TPSD1: variants seen among roughly 807,000 people sequenced by gnomAD.
The protein encoded by TPSD1 is tryptase delta 1.
Under a neutral mutation model 25.4 loss-of-function variants are expected in TPSD1, and 30 were observed. The observed-to-expected ratio is 1.18, with a 90% CI of 0.88 to 1.60. TPSD1 has a LOEUF of 1.60. Among genes scored for constraint, TPSD1 ranks in the 40% most tolerant of loss-of-function variants. The probability of loss-of-function intolerance (pLI) is 0.00; values close to 1 mark genes in which losing one functional copy is unlikely to be tolerated. For synonymous variants in TPSD1, 176 were observed against 149.4 expected (o/e 1.18, Z -1.30); for missense variants, 420 against 324.2 (o/e 1.30, Z -2.27).
At chr16:1,258,306 C>A in intron 4 of TPSD1, 26 bp from the exon 5 acceptor site, 1 of 1,602,964 alleles carries the variant, frequency 6.2e-7, no homozygotes, top group Non-Finnish European at 8.5e-7. Context: ...GCCTGGCCAG[C>A]GAGCACTGAC....
Position 1,256,102 on chromosome 16 carries a change from A to G in TPSD1, c.-179A>G. The G allele has an allele frequency of 2.8e-6, 3 of 1,068,270 alleles. No homozygotes were observed. The highest frequency in any genetic ancestry group is 4.1e-6 in the Non-Finnish European group (3 of 732,254). 66.2% of individuals were successfully genotyped at this position (1,068,270 alleles called of 1,614,324 possible). A position where few individuals can be genotyped will look rare whatever the true frequency, so the allele number is the denominator to read the frequency against. ...CAGGGAGTGGCCAGGGTAAGTCCCT[A>G]CTCTCAGAGACCCTGACATCAGCGT... On this transcript the variant is annotated 5_prime_UTR_variant, in exon 1 of 5. Coordinates refer to ENST00000211076, the MANE Select transcript of TPSD1 (RefSeq NM_012217.3).
Position 1,257,024 on chromosome 16 carries a change from C to T in TPSD1, c.482C>T (p.Pro161Leu), listed in dbSNP as rs376298572. 51 of 1,612,690 alleles carry T rather than the reference C, an allele frequency of 3.2e-5. No homozygotes were observed. In the East Asian group the frequency reaches 6.9e-4, roughly 22 times the overall value. ...PASETFPPGM[P>L]CWVTGWGDVD... Reference sequence around the variant, plus strand: ...TCGGAGACCTTCCCCCCGGGGATGCCGTGCTGGGTCACTGGCTGGGGCGAC... The same window carrying T: ...TCGGAGACCTTCCCCCCGGGGATGCTGTGCTGGGTCACTGGCTGGGGCGAC... Residue 161 changes from proline to leucine, a missense_variant, in exon 3 of 5, where the codon CCG (proline) becomes CTG (leucine). Coordinates refer to ENST00000211076, the MANE Select transcript of TPSD1 (RefSeq NM_012217.3).
rs1047516327 is a variant in TPSD1, at chr16:1,258,122, GCAA to G, written c.586_588del (p.Asn196del). The G allele has an allele frequency of 1.9e-6, 3 of 1,608,586 alleles. No homozygotes were observed. The highest frequency in any genetic ancestry group is 2.5e-6 in the Non-Finnish European group (3 of 1,177,974). ...GTCCCCGTAGTGGAAAACCACCTTT[GCAA>G]CGCGGAATATCACACCGGCCTCCAT... On this transcript the variant is annotated inframe_deletion, in exon 4 of 5. Coordinates refer to ENST00000211076, the MANE Select transcript of TPSD1 (RefSeq NM_012217.3).
intron 2 of TPSD1, 42 bp downstream of exon 2, chr16:1,256,729 G>A (rs1391763631): frequency 8.1e-6 from 13 of 1,611,668 alleles, no homozygotes; most frequent in East Asian, 2.2e-5. Flanking sequence ...AGGGCTGGAT[G>A]TGAGCCCTGG....
rs61729110 is a variant in TPSD1 at position 1,256,953 on chromosome 16, C to G, written c.411C>G (p.Pro137=). 3,384 of 1,612,664 alleles carry G rather than the reference C, an allele frequency of 2.1e-3. 66 individuals carry two copies. The African/African-American group carries it at 0.039, about 19-fold the overall frequency. ...TCGCCCTGCTGGAGCTGGAGGAGCC[C>G]GTGAACATCTCCAGCCACATCCACA... is the stretch of plus-strand genomic sequence containing the variant. ...ADIALLELEE[P]VNISSHIHTV... Residue 137 remains proline, a synonymous_variant, in exon 3 of 5, where the codon CCC becomes CCG. Transcript: ENST00000211076.
chr16:1,257,909 C>T (rs2031009235), intron 3 of TPSD1, 150 bp from the exon 4 acceptor site: 1 of 824,488 alleles, frequency 1.2e-6, no homozygotes, highest in Non-Finnish European at 1.9e-6. Context: ...GGGGCCTGGA[C>T]TGCATTCACC....
chr16:1,256,933 C>A lies in TPSD1; in HGVS notation c.391C>A (p.Leu131Met). 6.2e-7 allele frequency: 1 copy of A among 1,613,960 alleles called. No homozygotes were observed. Among genetic ancestry groups the A allele is most frequent in the African/African-American group, 1.3e-5 (1 of 75,074 alleles). ...YIIQTGADIA[L>M]LELEEPVNIS... Reference sequence around the variant, plus strand: ...CATCCAGACCGGGGCGGACATCGCCCTGCTGGAGCTGGAGGAGCCCGTGAA... The same window carrying A: ...CATCCAGACCGGGGCGGACATCGCCATGCTGGAGCTGGAGGAGCCCGTGAA... Residue 131 changes from leucine to methionine, a missense_variant, in exon 3 of 5, where the codon CTG becomes ATG. Coordinates refer to ENST00000211076, the MANE Select transcript of TPSD1 (RefSeq NM_012217.3).
chr16:1,257,947 A>C lies in TPSD1; in HGVS notation c.521-112A>C, dbSNP rs571004707. On this transcript the variant is annotated intron_variant, in intron 3 of 4. Transcript: ENST00000211076. ...CCCTTCCCCGGGGCTGCAGGCACAGAACAGCACTGGGCCCATGGTGCCATC... is the reference window on the plus strand; with the variant it reads ...CCCTTCCCCGGGGCTGCAGGCACAGCACAGCACTGGGCCCATGGTGCCATC... 8.4e-6 allele frequency: 10 copies of C among 1,196,796 alleles called. No individual in the cohort carries two copies. In the East Asian group the frequency reaches 2.0e-4, roughly 24 times the overall value. 74.1% of individuals were successfully genotyped at this position (1,196,796 alleles called of 1,614,324 possible).
Position 1,256,355 on chromosome 16 carries a change from G to A in TPSD1, c.75G>A (p.Val25=), listed in dbSNP as rs775896766. The change falls in exon 1 of 5, where the codon GTG becomes GTA. Residue 25 remains valine, a synonymous_variant. Coordinates refer to ENST00000211076, the MANE Select transcript of TPSD1 (RefSeq NM_012217.3). ...ALPVLASPAY[V]APAPGQALQQ... is the part of the protein sequence containing the mutation. ...CCGTCCTGGCGAGCCCGGCCTACGT[G>A]GCCCCTGGTGAGTCCCAGCCGGGGT... 5.6e-6 allele frequency: 9 copies of A among 1,612,752 alleles called. No individual in the cohort carries two copies. The highest frequency in any genetic ancestry group is 2.2e-5 in the South Asian group (2 of 91,036).
At position 1,258,061 on chromosome 16, in the gene TPSD1, C is replaced by T. The variant is rs772085790; in HGVS notation, c.523C>T (p.His175Tyr). 4.1e-5 allele frequency: 64 copies of T among 1,575,746 alleles called. No homozygotes were observed. Among genetic ancestry groups the T allele is most frequent in the Admixed American group, 1.1e-4 (6 of 54,538 alleles). ...TCCACGCCCCCCTCCGCCCCCAGTG[C>T]ACCTGCCGCCGCCATACCCGCTGAA... is the stretch of plus-strand genomic sequence containing the variant. Reference protein sequence around the residue: ...TGWGDVDNNVHLPPPYPLKEV... With the variant: ...TGWGDVDNNVYLPPPYPLKEV... The change falls in exon 4 of 5, where the codon CAC becomes TAC. Residue 175 changes from histidine to tyrosine, a missense_variant and splice_region_variant. Transcript: ENST00000211076.
intron 3 of TPSD1, chr16:1,257,594 C>T: frequency 4.1e-6 from 1 of 242,418 alleles, no homozygotes; most frequent in African/African-American, 2.3e-5. Flanking sequence ...CTTTGGGGTA[C>T]AGCCTGAGCG....
In TPSD1 at chr16:1,257,922, C is replaced by T. The variant is rs568785382; in HGVS notation, c.521-137C>T. ...GAGGGGCCTGGACTGCATTCACCGC[C>T]CCTTCCCCGGGGCTGCAGGCACAGA... On this transcript the variant is annotated intron_variant, in intron 3 of 4. Transcript: ENST00000211076. The T allele has an allele frequency of 6.3e-6, 6 of 949,374 alleles. No individual in the cohort carries two copies. In the Admixed American group the frequency reaches 9.7e-5, roughly 15 times the overall value. The allele number at this position is 949,374 out of a possible 1,614,324, so 58.8% of individuals were successfully genotyped here.
At chr16:1,257,651 C>T (rs1186904902) in intron 3 of TPSD1, among the ~76,000 whole-genome samples, 1 of 152,214 alleles carries the variant, frequency 6.6e-6, no homozygotes, top group Non-Finnish European at 1.5e-5. Flanking sequence ...GGGCCTGAGC[C>T]ACTGTCCCGC....
At position 1,256,070 on chromosome 16, in the gene TPSD1, G is replaced by A; in HGVS notation, c.-211G>A. The A allele has an allele frequency of 1.2e-6, 1 of 823,738 alleles. No homozygotes were observed. The allele number at this position is 823,738 out of a possible 1,614,324, so 51.0% of individuals were successfully genotyped here. A position where few individuals can be genotyped will look rare whatever the true frequency, so the allele number is the denominator to read the frequency against. ...TGGGGAGGGGAGAGCCCGCTGGGTA[G>A]AAGGAACAGGGAGTGGCCAGGGTAA... On this transcript the variant is annotated 5_prime_UTR_variant, in exon 1 of 5. Coordinates refer to ENST00000211076, the MANE Select transcript of TPSD1 (RefSeq NM_012217.3).
At position 1,256,345 on chromosome 16, in the gene TPSD1, C is replaced by A. The variant is rs3865205; in HGVS notation, c.65C>A (p.Pro22Gln). 8.4e-6 allele frequency: 13 copies of A among 1,538,644 alleles called. No homozygotes were observed. The South Asian group carries it at 1.3e-4, about 16-fold the overall frequency. ...CTGGCGCTGCCCGTCCTGGCGAGCC[C>A]GGCCTACGTGGCCCCTGGTGAGTCC... ...LLLALPVLAS[P>Q]AYVAPAPGQA... The change falls in exon 1 of 5, where the codon CCG (proline) becomes CAG (glutamine). Residue 22 changes from proline to glutamine, a missense_variant. Coordinates refer to ENST00000211076, the MANE Select transcript of TPSD1 (RefSeq NM_012217.3).
chr16:1,258,118 C>G lies in TPSD1; in HGVS notation c.580C>G (p.Leu194Val), dbSNP rs764993450. 3 of 1,607,998 alleles carry G rather than the reference C, an allele frequency of 1.9e-6. No individual in the cohort carries two copies. The East Asian group carries it at 6.7e-5, about 36-fold the overall frequency. ...EVEVPVVENH[L>V]CNAEYHTGLH... The stretch of plus-strand genomic sequence containing the variant: ...GGAAGTCCCCGTAGTGGAAAACCAC[C>G]TTTGCAACGCGGAATATCACACCGG... Residue 194 changes from leucine to valine, a missense_variant, in exon 4 of 5, where the codon CTT becomes GTT. By Grantham distance (32) the Leu-to-Val change is conservative. Coordinates refer to ENST00000211076, the MANE Select transcript of TPSD1 (RefSeq NM_012217.3).
rs3927397 is a variant in TPSD1 at position 1,256,376 on chromosome 16, G to A, written c.82+14G>A. 0.21 allele frequency: 344,946 copies of A among 1,611,972 alleles called. 38,823 individuals are homozygous for A. The highest frequency in any genetic ancestry group is 0.37 in the African/African-American group (27,646 of 74,888). On this transcript the variant is annotated intron_variant, in intron 1 of 4. Transcript: ENST00000211076. ...ACGTGGCCCCTGGTGAGTCCCAGCC[G>A]GGGTCCACCCTGCCCCTCACCACAT...
In TPSD1 at chr16:1,258,350, CT is replaced by C. The variant is rs2031024595; in HGVS notation, c.704del (p.Leu235ArgfsTer5). The C allele has an allele frequency of 1.2e-6, 2 of 1,607,390 alleles. No individual in the cohort carries two copies. Among genetic ancestry groups the C allele is most frequent in the Non-Finnish European group, 1.7e-6 (2 of 1,179,816 alleles). On this transcript the variant is annotated frameshift_variant, in exon 5 of 5. Transcript: ENST00000211076. LOFTEE classifies it low-confidence loss of function (END_TRUNC). The stretch of plus-strand genomic sequence containing the variant: ...TTCCCAGGGTGACTCTGGAGGGCCC[CT>C]GGTCTGCAAGGTGAATGGCACCTAA... Reference protein sequence around the residue: ...DSCQGDSGGPLVCKVNGT With the variant: ...DSCQGDSGGPXVCKVNGT
chr16:1,256,514 A>T lies in TPSD1; in HGVS notation c.83-2A>T, dbSNP rs1596500401. 4 of 1,608,042 alleles carry T rather than the reference A, an allele frequency of 2.5e-6. No individual in the cohort carries two copies. The highest frequency in any genetic ancestry group is 2.7e-5 in the African/African-American group (2 of 74,810). On this transcript the variant is annotated splice_acceptor_variant, in intron 1 of 4. Transcript: ENST00000211076. LOFTEE classifies it high-confidence loss of function. ...TTGGTCCTGACCTGGCACCTGCCCC[A>T]GCCCCAGGCCAGGCCCTGCAGCAAA...
Sources: allele counts gnomAD v4.1 joint callset (sites outside exome capture counted in the v4.1 genomes callset), GRCh38; gene constraint gnomAD v4.1.1; transcripts MANE v1.5; gene names NCBI Gene and HGNC (gene_info 2026-07-23, HGNC 2026-07-21).